The following PCED1B variants were observed in gnomAD, a reference collection of about 807,000 sequenced individuals.
The protein encoded by PCED1B is PC-esterase domain-containing protein 1B.
For synonymous variants in PCED1B, 251 were observed against 246.1 expected (o/e 1.02, Z -0.19); for missense variants, 573 against 573.9 (o/e 1.00, Z 0.02).
At position 47,173,674 on chromosome 12, in the gene PCED1B, G is replaced by A. The variant is rs117363939; in HGVS notation, c.-525-42548G>A. On this transcript the variant is annotated intron_variant, in intron 2 of 3. Coordinates refer to ENST00000546455, the MANE Select transcript of PCED1B (RefSeq NM_138371.3). ...AGTTGGGCCATCCTGCCAAAGATTC[G>A]TAGTCACTAATTTTAGGATGATTAT... 3.3e-3 allele frequency among the ~76,000 whole-genome samples: 507 copies of A among 151,932 alleles called. 8 individuals are homozygous for A. In the South Asian group the frequency reaches 0.04, roughly 12 times the overall value.
At chr12:47,121,143 G>A (rs1358820886) in intron 2 of PCED1B, among the ~76,000 whole-genome samples, 1 of 152,126 alleles carries the variant, frequency 6.6e-6, no homozygotes, top group African/African-American at 2.4e-5. Context: ...TAAAGTGTAT[G>A]TTATGTGAAT....
rs530425090 is a variant in PCED1B at position 47,225,355 on chromosome 12, G to C, written c.-58+8666G>C. Among the ~76,000 whole-genome samples the C allele has an allele frequency of 5.9e-5, 9 of 152,230 alleles. No individual in the cohort carries two copies. In the East Asian group the frequency reaches 1.5e-3, roughly 26 times the overall value. Reference sequence around the variant, plus strand: ...GGCCTGCATTGCTTCTTCCACTTTGGTGTTGTATAGGTCACTGGATGTTAA... The same window carrying C: ...GGCCTGCATTGCTTCTTCCACTTTGCTGTTGTATAGGTCACTGGATGTTAA... On this transcript the variant is annotated intron_variant, in intron 3 of 3. Coordinates refer to ENST00000546455, the MANE Select transcript of PCED1B (RefSeq NM_138371.3).
chr12:47,235,231 C>A lies in PCED1B; in HGVS notation c.168C>A (p.Phe56Leu). 2 of 1,611,506 alleles carry A rather than the reference C, an allele frequency of 1.2e-6. No homozygotes were observed. The highest frequency in any genetic ancestry group is 1.7e-6 in the Non-Finnish European group (2 of 1,178,504). ...GQLRARGELNFEQDELVDGGQ... is the reference protein window; with the variant it reads ...GQLRARGELNLEQDELVDGGQ... ...TTAGAGCAAGGGGGGAGCTGAACTTCGAACAAGATGAGCTGGTGGACGGAG... is the reference window on the plus strand; with the variant it reads ...TTAGAGCAAGGGGGGAGCTGAACTTAGAACAAGATGAGCTGGTGGACGGAG... The change falls in exon 4 of 4, where the codon TTC becomes TTA. Residue 56 changes from phenylalanine (F) to leucine (L), a missense_variant. Phe to Leu is a conservative substitution (Grantham distance 22). Transcript: ENST00000546455.
At chr12:47,213,172 G>A (rs765265203) in intron 2 of PCED1B, among the ~76,000 whole-genome samples, 2 of 152,158 alleles carry the variant, frequency 1.3e-5, no homozygotes, top group Non-Finnish European at 2.9e-5. Context: ...GCAAAATTTA[G>A]TTCTGTTACT....
intron 2 of PCED1B, among the ~76,000 whole-genome samples, chr12:47,191,338 A>C (rs1381299630): frequency 6.6e-6 from 1 of 152,206 alleles, no homozygotes; most frequent in African/African-American, 2.4e-5. Context: ...TTACGACTCC[A>C]TACATTTAAT....
rs150738847 is a variant in PCED1B at position 47,236,010 on chromosome 12, T to A, written c.947T>A (p.Leu316Gln). Reference protein sequence around the residue: ...PPQRLPLLPLLSPQPPPPILH... With the variant: ...PPQRLPLLPLQSPQPPPPILH... ...CAGCGCTTGCCGCTGCTCCCGCTCC[T>A]GTCCCCACAGCCTCCTCCTCCCATT... Residue 316 changes from leucine (L) to glutamine (Q), a missense_variant, in exon 4 of 4, where the codon CTG becomes CAG. By Grantham distance (113) the Leu-to-Gln change is moderately radical (BLOSUM62 -2). Coordinates refer to ENST00000546455, the MANE Select transcript of PCED1B (RefSeq NM_138371.3). The A allele has an allele frequency of 2.0e-5, 33 of 1,610,954 alleles. No individual in the cohort carries two copies. The African/African-American group carries it at 3.9e-4, about 19-fold the overall frequency.
intron 2 of PCED1B, among the ~76,000 whole-genome samples, chr12:47,134,935 C>T (rs1256661292): frequency 6.6e-6 from 1 of 152,198 alleles, no homozygotes; most frequent in Non-Finnish European, 1.5e-5. Context: ...CTTTCCTAAT[C>T]CACAGAACAG....
In PCED1B at chr12:47,095,498, TCTC is replaced by T. The variant is rs527780937; in HGVS notation, c.-608-8611_-608-8609del. Reference sequence around the variant, plus strand: ...ATCCATTATCTCTTTGAATATTGCTTCTCCTCTATTCTCTCTCTCCTTTTTGGA... The same window carrying T: ...ATCCATTATCTCTTTGAATATTGCTTCTCTATTCTCTCTCTCCTTTTTGGA... On this transcript the variant is annotated intron_variant, in intron 1 of 3. Coordinates refer to ENST00000546455, the MANE Select transcript of PCED1B (RefSeq NM_138371.3). Among the ~76,000 whole-genome samples, 57 of 152,318 alleles carry T rather than the reference TCTC, an allele frequency of 3.7e-4. No homozygotes were observed. The South Asian group carries it at 0.011, about 30-fold the overall frequency.
intron 1 of PCED1B, among the ~76,000 whole-genome samples, chr12:47,091,961 T>C (rs1938284979): frequency 6.6e-6 from 1 of 152,120 alleles, no homozygotes; most frequent in South Asian, 2.1e-4. Flanking sequence ...TAATAGTTTC[T>C]GATATCTCAC....
At chr12:47,132,292 C>T (rs1940165356) in intron 2 of PCED1B, among the ~76,000 whole-genome samples, 1 of 151,966 alleles carries the variant, frequency 6.6e-6, no homozygotes, top group East Asian at 1.9e-4. Flanking sequence ...AGTAATAGCA[C>T]CACAAAACCA....
chr12:47,179,632 C>T (rs994256988), intron 2 of PCED1B, among the ~76,000 whole-genome samples: 54 of 152,300 alleles, frequency 3.5e-4, no homozygotes, highest in African/African-American at 1.2e-3. Context: ...ACAGACCTCA[C>T]GATGCCTCTG....
intron 3 of PCED1B, among the ~76,000 whole-genome samples, chr12:47,228,197 G>T (rs948574512): frequency 1.3e-5 from 2 of 152,046 alleles, no homozygotes; most frequent in Admixed American, 1.3e-4. Context: ...ACTACACCCA[G>T]CTAATTTTTA....
intron 2 of PCED1B, among the ~76,000 whole-genome samples, chr12:47,132,702 A>G (rs576073367): frequency 1.3e-5 from 2 of 152,310 alleles, no homozygotes; most frequent in African/African-American, 4.8e-5. Flanking sequence ...AACTGGAGGG[A>G]TACTATATAT....
At chr12:47,152,310 T>TGA (rs1941023127) in intron 2 of PCED1B, among the ~76,000 whole-genome samples, 1 of 152,136 alleles carries the variant, frequency 6.6e-6, no homozygotes, top group Non-Finnish European at 1.5e-5. Flanking sequence ...ATTTGTAATA[T>TGA]GAGGTTTATT....
chr12:47,234,048 C>T (rs1005342903), intron 3 of PCED1B, among the ~76,000 whole-genome samples: 6 of 152,112 alleles, frequency 3.9e-5, no homozygotes, highest in Non-Finnish European at 7.3e-5. Flanking sequence ...AGTGCAATGG[C>T]GCGATCTCAG....
At chr12:47,124,704 A>G (rs1008952979) in intron 2 of PCED1B, among the ~76,000 whole-genome samples, 2 of 152,018 alleles carry the variant, frequency 1.3e-5, no homozygotes, top group Non-Finnish European at 2.9e-5. Context: ...ATCAGTCTTT[A>G]AATTTAGGCA....
intron 2 of PCED1B, among the ~76,000 whole-genome samples, chr12:47,195,698 T>G (rs1450283060): frequency 6.6e-6 from 1 of 152,222 alleles, no homozygotes; most frequent in Non-Finnish European, 1.5e-5. Flanking sequence ...TATCAGATAT[T>G]GAAGTGAGTC....
intron 2 of PCED1B, among the ~76,000 whole-genome samples, chr12:47,136,815 A>G (rs938694756): frequency 2.6e-5 from 4 of 152,218 alleles, no homozygotes; most frequent in African/African-American, 9.7e-5. Flanking sequence ...AACGATATCT[A>G]CATATACTAG....
chr12:47,236,194 T>C lies in PCED1B; in HGVS notation c.1131T>C (p.Pro377=). 1 of 1,614,138 alleles carries C rather than the reference T, an allele frequency of 6.2e-7. No homozygotes were observed. Among genetic ancestry groups the C allele is most frequent in the Non-Finnish European group, 8.5e-7 (1 of 1,180,016 alleles). Reference sequence around the variant, plus strand: ...TCGAAGACAATTTTATGGTTGGTCCTCAGCTGCCTATGCCCTTCTTCCCCA... The same window carrying C: ...TCGAAGACAATTTTATGGTTGGTCCCCAGCTGCCTATGCCCTTCTTCCCCA... ...FFVEDNFMVG[P]QLPMPFFPTP... The change falls in exon 4 of 4, where the codon CCT becomes CCC. Residue 377 remains proline (P), a synonymous_variant. Coordinates refer to ENST00000546455, the MANE Select transcript of PCED1B (RefSeq NM_138371.3).
Sources: allele counts gnomAD v4.1 joint callset (sites outside exome capture counted in the v4.1 genomes callset), GRCh38; gene constraint gnomAD v4.1.1; transcripts MANE v1.5; gene names NCBI Gene and HGNC (gene_info 2026-07-23, HGNC 2026-07-21).